The following CDH13 variants were observed in gnomAD, a reference collection of about 807,000 sequenced individuals.
CDH13 encodes cadherin-13.
A neutral mutation model predicts 63.8 loss-of-function variants in CDH13; 24 were observed. The ratio of observed to expected loss-of-function variants is 0.38; its 90% confidence interval spans 0.27 to 0.53. The LOEUF (loss-of-function observed/expected upper bound fraction) is 0.53. Ranked by LOEUF, CDH13 falls within the 20% of genes least tolerant of loss-of-function variation. CDH13 has a pLI of 0.85. For missense variants in CDH13, 1,049 were observed against 903.1 expected (o/e 1.16, Z -2.07); for synonymous variants, 503 against 355.3 (o/e 1.42, Z -4.67).
rs181216326 is a variant in CDH13, at chr16:83,508,726, G to A, written c.960+22071G>A. On this transcript the variant is annotated intron_variant, in intron 7 of 13. Coordinates refer to ENST00000567109, the MANE Select transcript of CDH13 (RefSeq NM_001257.5). ...GTGTATTGACTCTTTTACATATTCT[G>A]TCTCACTTCTCTTTCTCCCTCACTT... 3.9e-4 allele frequency among the ~76,000 whole-genome samples: 60 copies of A among 152,220 alleles called. 1 individual carries two copies. Among genetic ancestry groups the A allele is most frequent in the Admixed American group, 3.3e-3 (51 of 15,286 alleles).
At chr16:82,841,718 T>C (rs1258363244) in intron 1 of CDH13, among the ~76,000 whole-genome samples, 1 of 152,152 alleles carries the variant, frequency 6.6e-6, no homozygotes, top group East Asian at 1.9e-4. Flanking sequence ...AAAGCTGTAC[T>C]TTGTGGTACA....
chr16:82,897,059 C>A (rs1313685755), intron 2 of CDH13, among the ~76,000 whole-genome samples: 2 of 151,994 alleles, frequency 1.3e-5, no homozygotes, highest in African/African-American at 4.8e-5. Context: ...GGATTACAGG[C>A]ATGAGCCACC....
intron 3 of CDH13, among the ~76,000 whole-genome samples, chr16:83,086,299 T>C (rs956027857): frequency 2.0e-5 from 3 of 152,164 alleles, no homozygotes; most frequent in Non-Finnish European, 4.4e-5. Flanking sequence ...GCGTTAGTAG[T>C]TAGGGAATGC....
chr16:82,929,391 C>T (rs1187331003), intron 2 of CDH13, among the ~76,000 whole-genome samples: 1 of 151,894 alleles, frequency 6.6e-6, no homozygotes, highest in Non-Finnish European at 1.5e-5. Context: ...CCTGTAATCC[C>T]AGCACTTTGG....
chr16:83,659,629 G>A (rs1358934838), intron 8 of CDH13, among the ~76,000 whole-genome samples: 2 of 152,162 alleles, frequency 1.3e-5, no homozygotes, highest in African/African-American at 4.8e-5. Flanking sequence ...TCATTAGTGG[G>A]TTTGTTTTAA....
intron 7 of CDH13, among the ~76,000 whole-genome samples, chr16:83,491,803 G>A (rs1264480333): frequency 6.6e-6 from 1 of 152,142 alleles, no homozygotes; most frequent in Admixed American, 6.6e-5. Flanking sequence ...TATTAGGGCT[G>A]TGAATGTAAT....
chr16:83,396,828 C>T (rs1222510931), intron 6 of CDH13: 2 of 152,152 alleles, frequency 1.3e-5, no homozygotes, highest in African/African-American at 2.4e-5. Context: ...AGACACAAAA[C>T]ATGTGTTACC....
intron 1 of CDH13, among the ~76,000 whole-genome samples, chr16:82,656,026 C>A (rs192437910): frequency 6.6e-6 from 1 of 152,148 alleles, no homozygotes; most frequent in Admixed American, 6.5e-5. Flanking sequence ...TGAGAGTTAC[C>A]GTGCAAGGCA....
chr16:83,142,071 A>G (rs761453074), intron 4 of CDH13, among the ~76,000 whole-genome samples: 3 of 152,018 alleles, frequency 2.0e-5, no homozygotes, highest in Non-Finnish European at 2.9e-5. Context: ...GGGGAGAACA[A>G]CGGATATAAC....
intron 7 of CDH13, among the ~76,000 whole-genome samples, chr16:83,518,974 C>A (rs564425452): frequency 6.0e-4 from 92 of 152,218 alleles, no homozygotes; most frequent in African/African-American, 2.1e-3. Context: ...AGCTTGAGAA[C>A]GGACTAATAT....
At chr16:83,749,372 G>C (rs1912887087) in intron 11 of CDH13, among the ~76,000 whole-genome samples, 1 of 152,146 alleles carries the variant, frequency 6.6e-6, no homozygotes, top group Non-Finnish European at 1.5e-5. Flanking sequence ...TGAGCCTTGG[G>C]GTTAGCCTTG....
intron 3 of CDH13, among the ~76,000 whole-genome samples, chr16:83,120,975 C>A (rs2035543656): frequency 6.6e-6 from 1 of 151,866 alleles, no homozygotes; most frequent in Admixed American, 6.6e-5. Flanking sequence ...TGTTGGTCAG[C>A]CTGGTCTCGA....
intron 10 of CDH13, among the ~76,000 whole-genome samples, chr16:83,731,089 T>G (rs1230997921): frequency 6.6e-6 from 1 of 152,250 alleles, no homozygotes; most frequent in Non-Finnish European, 1.5e-5. Flanking sequence ...ATTGGTTCCT[T>G]GTGCTTGCCA....
At position 83,783,410 on chromosome 16, in the gene CDH13, C is replaced by T. The variant is rs370399855; in HGVS notation, c.2072C>T (p.Ala691Val). Reference sequence around the variant, plus strand: ...AGGAATTCCAAAGTGGACTGCAACGCGGCAGGGGCCCTGCGCTTCAGCCTG... The same window carrying T: ...AGGAATTCCAAAGTGGACTGCAACGTGGCAGGGGCCCTGCGCTTCAGCCTG... ...SCRNSKVDCN[A>V]AGALRFSLPS... The change falls in exon 13 of 14, where the codon GCG (alanine) becomes GTG (valine). Residue 691 changes from alanine (A) to valine (V), a missense_variant. By Grantham distance (64) the Ala-to-Val change is moderately conservative. Transcript: ENST00000567109. 4 of 1,614,002 alleles carry T rather than the reference C, an allele frequency of 2.5e-6. No individual in the cohort carries two copies. Among genetic ancestry groups the T allele is most frequent in the South Asian group, 2.2e-5 (2 of 91,080 alleles).
chr16:82,874,250 C>T (rs2151193378), intron 2 of CDH13, among the ~76,000 whole-genome samples: 1 of 152,204 alleles, frequency 6.6e-6, no homozygotes, highest in South Asian at 2.1e-4. Context: ...TATGCTGAGT[C>T]TCTTGGATTT....
chr16:82,851,114 C>G (rs1008768229), intron 1 of CDH13, among the ~76,000 whole-genome samples: 3 of 152,076 alleles, frequency 2.0e-5, no homozygotes, highest in Admixed American at 6.6e-5. Context: ...GAAATAAAGT[C>G]TAGGATGTTG....
At chr16:83,446,076 G>A (rs778918601) in intron 6 of CDH13, among the ~76,000 whole-genome samples, 1 of 151,984 alleles carries the variant, frequency 6.6e-6, no homozygotes, top group Non-Finnish European at 1.5e-5. Flanking sequence ...AGGTGGGGGG[G>A]CAGATTACAG....
intron 1 of CDH13, among the ~76,000 whole-genome samples, chr16:82,779,435 C>G (rs2035648804): frequency 6.6e-6 from 1 of 152,178 alleles, no homozygotes; most frequent in Non-Finnish European, 1.5e-5. Flanking sequence ...CACAGCAGTT[C>G]TCCAATGTCC....
intron 11 of CDH13, among the ~76,000 whole-genome samples, chr16:83,773,306 C>T (rs115601395): frequency 6.6e-6 from 1 of 152,296 alleles, no homozygotes; most frequent in East Asian, 1.9e-4. Context: ...AGTCCATTCT[C>T]ATACTACTGT....
Sources: gnomAD v4.1 joint callset for allele counts (sites outside exome capture counted in the v4.1 genomes callset) on GRCh38, gnomAD v4.1.1 for gene constraint, MANE v1.5 for transcripts, NCBI Gene and HGNC (gene_info 2026-07-23, HGNC 2026-07-21) for gene names.